DZANK1: variants seen among roughly 807,000 people sequenced by gnomAD.
The protein encoded by DZANK1 is double zinc ribbon and ankyrin repeat-containing protein 1.
In DZANK1, 91 loss-of-function variants were observed where a neutral mutation model predicts 94.5. The observed-to-expected ratio is 0.96, with a 90% CI of 0.81 to 1.15. The LOEUF (loss-of-function observed/expected upper bound fraction) is 1.15, where lower values mean the gene tolerates loss of function less well. Among genes scored for constraint, DZANK1 ranks in the 50% most tolerant of loss-of-function variants. The pLI is 0.00. For missense variants in DZANK1, 903 were observed against 916.4 expected (o/e 0.99, Z 0.19); for synonymous variants, 312 against 325.3 (o/e 0.96, Z 0.44).
chr20:18,402,267 C>G (rs1194042972), intron 13 of DZANK1, among the ~76,000 whole-genome samples: 1 of 152,132 alleles, frequency 6.6e-6, no homozygotes, highest in East Asian at 1.9e-4. Flanking sequence ...CAATTGGCTG[C>G]AGCTGGTGCC....
chr20:18,418,809 A>G (rs1489183009), intron 10 of DZANK1, among the ~76,000 whole-genome samples: 1 of 152,250 alleles, frequency 6.6e-6, no homozygotes, highest in Non-Finnish European at 1.5e-5. Context: ...CAATAAAAAC[A>G]GAAACAAGTG....
At chr20:18,457,601 A>T (rs2059333937) in intron 3 of DZANK1, among the ~76,000 whole-genome samples, 1 of 152,208 alleles carries the variant, frequency 6.6e-6, no homozygotes, top group African/African-American at 2.4e-5. Context: ...GCAAGTTTCT[A>T]CTTGGTTACT....
At chr20:18,432,851 T>G (rs1456797855) in intron 9 of DZANK1, 1 of 152,210 alleles carries the variant, frequency 6.6e-6, no homozygotes, top group Non-Finnish European at 1.5e-5. Context: ...TGTTTAAAGA[T>G]TCTATCAAAA....
At chr20:18,389,907 A>T in intron 18 of DZANK1, 79 bp from the exon 19 acceptor site, 1 of 1,579,776 alleles carries the variant, frequency 6.3e-7, no homozygotes, top group Non-Finnish European at 8.6e-7. Context: ...ATGAAGTATA[A>T]CAGATGTCCT....
At chr20:18,465,371 TC>T in exon 2 of DZANK1, 1 of 1,432,222 alleles carries the variant, frequency 7.0e-7, no homozygotes, top group South Asian at 1.3e-5. Flanking sequence ...TCTCTCTCTC[TC>T]TCTCTCTCTA....
intron 10 of DZANK1, among the ~76,000 whole-genome samples, chr20:18,422,540 T>C (rs1017475814): frequency 6.6e-6 from 1 of 152,242 alleles, no homozygotes; most frequent in Non-Finnish European, 1.5e-5. Context: ...GTCAAAACTT[T>C]GTTTCATGCA....
At chr20:18,458,791 C>A (rs1319359172) in intron 3 of DZANK1, among the ~76,000 whole-genome samples, 1 of 152,236 alleles carries the variant, frequency 6.6e-6, no homozygotes, top group African/African-American at 2.4e-5. Flanking sequence ...TGAGTAGAGG[C>A]CTGGCTCATA....
chr20:18,405,244 A>T, intron 13 of DZANK1, among the ~76,000 whole-genome samples: 1 of 152,324 alleles, frequency 6.6e-6, no homozygotes, highest in South Asian at 2.1e-4. Flanking sequence ...CTGAAATAAG[A>T]GAATATAAAT....
chr20:18,451,089 G>A (rs1488864579), intron 6 of DZANK1, among the ~76,000 whole-genome samples: 1 of 152,130 alleles, frequency 6.6e-6, no homozygotes, highest in Non-Finnish European at 1.5e-5. Flanking sequence ...GGGACTACAG[G>A]TGCGCGCCAC....
intron 6 of DZANK1, among the ~76,000 whole-genome samples, chr20:18,449,599 CA>C (rs971937761): frequency 2.7e-5 from 4 of 149,690 alleles, no homozygotes; most frequent in Non-Finnish European, 4.5e-5. Flanking sequence ...ACTAAAAATA[CA>C]AAAAAAAATT....
At chr20:18,405,992 G>A (rs1297308590) in intron 13 of DZANK1, among the ~76,000 whole-genome samples, 1 of 152,242 alleles carries the variant, frequency 6.6e-6, no homozygotes, top group Non-Finnish European at 1.5e-5. Flanking sequence ...CATGGAGGGA[G>A]CATTTGGACC....
chr20:18,462,863 A>G (rs2059519425), intron 2 of DZANK1, among the ~76,000 whole-genome samples: 1 of 149,792 alleles, frequency 6.7e-6, no homozygotes. Flanking sequence ...ACCTGAACCC[A>G]GGAGGCGGAG....
At chr20:18,453,511 T>C (rs1601144462) in intron 5 of DZANK1, among the ~76,000 whole-genome samples, 1 of 152,196 alleles carries the variant, frequency 6.6e-6, no homozygotes, top group Non-Finnish European at 1.5e-5. Context: ...CTCCCGGCAG[T>C]GGGTCAAGAA....
At chr20:18,459,745 C>T (rs905027544) in intron 3 of DZANK1, among the ~76,000 whole-genome samples, 2 of 152,042 alleles carry the variant, frequency 1.3e-5, no homozygotes, top group Non-Finnish European at 2.9e-5. Context: ...TAAGTCGATA[C>T]AAAACGAAAT....
At chr20:18,433,615 A>G in intron 9 of DZANK1, 37 bp downstream of exon 9, 1 of 1,578,804 alleles carries the variant, frequency 6.3e-7, no homozygotes, top group Non-Finnish European at 8.7e-7. Flanking sequence ...ATTACTATGT[A>G]TTTCATTCAT....
At chr20:18,462,247 T>C (rs2059496922) in intron 2 of DZANK1, among the ~76,000 whole-genome samples, 1 of 152,058 alleles carries the variant, frequency 6.6e-6, no homozygotes, top group Non-Finnish European at 1.5e-5. Flanking sequence ...GTCCCTGCTC[T>C]CATGGAGATT....
intron 8 of DZANK1, among the ~76,000 whole-genome samples, chr20:18,439,691 T>C (rs1413282904): frequency 1.8e-4 from 27 of 152,162 alleles, no homozygotes; most frequent in Admixed American, 1.8e-3. Context: ...CACAGAACTT[T>C]TTAAGGATGC....
At chr20:18,388,943 C>A (rs993840207) in intron 19 of DZANK1, among the ~76,000 whole-genome samples, 2 of 152,182 alleles carry the variant, frequency 1.3e-5, no homozygotes, top group African/African-American at 4.8e-5. Context: ...GGACCTTGAC[C>A]TCGCCTTAGT....
chr20:18,441,249 A>G lies in DZANK1; in HGVS notation c.747+2098T>C, dbSNP rs1037206555. 6.6e-5 allele frequency among the ~76,000 whole-genome samples: 10 copies of G among 152,148 alleles called. No homozygotes were observed. The highest frequency in any genetic ancestry group is 2.2e-4 in the African/African-American group (9 of 41,432). Reference sequence around the variant, plus strand: ...ATTAACTGTGATGCCCCCTCATGCTATGGATCACCAGTGTCCCATTTCCCA... The same window carrying G: ...ATTAACTGTGATGCCCCCTCATGCTGTGGATCACCAGTGTCCCATTTCCCA... On this transcript the variant is annotated intron_variant, in intron 8 of 20. Transcript: ENST00000262547. This position sits in a 1 kb window ranked among gnomAD's most constrained non-coding sequence, Gnocchi z 4.1.
Sources: gnomAD v4.1 joint callset for allele counts (sites outside exome capture counted in the v4.1 genomes callset) on GRCh38, gnomAD v4.1.1 for gene constraint, Gnocchi (gnomAD v3.1) non-coding constraint, MANE v1.5 for transcripts, NCBI Gene and HGNC (gene_info 2026-07-23, HGNC 2026-07-21) for gene names.